The following HIVEP2 variants were observed in gnomAD, a reference collection of about 807,000 sequenced individuals.
HIVEP2 encodes HIVEP zinc finger 2.
A neutral mutation model predicts 180.7 loss-of-function variants in HIVEP2; 14 were observed. The ratio of observed to expected loss-of-function variants is 0.08; its 90% CI spans 0.05 to 0.12. The LOEUF is 0.12. HIVEP2 is among the 10% of genes least tolerant of loss of function. The pLI, the probability that HIVEP2 is intolerant of heterozygous loss-of-function variation, is 1.00. For missense variants in HIVEP2, 2,579 were observed against 3,008.5 expected, an observed-to-expected ratio of 0.86 and a Z score of 3.34; for synonymous variants, 1,184 against 1,136.4, an observed-to-expected ratio of 1.04 and a Z score of -0.84.
At chr6:142,901,731 C>A (rs779720571) in intron 1 of HIVEP2, among the ~76,000 whole-genome samples, 1 of 152,178 alleles carries the variant, frequency 6.6e-6, no homozygotes, top group Non-Finnish European at 1.5e-5. Flanking sequence ...CAGGTAAATT[C>A]GCCAATCTGC....
intron 2 of HIVEP2, among the ~76,000 whole-genome samples, chr6:142,812,347 C>T (rs79815284): frequency 2.6e-3 from 393 of 152,234 alleles, no homozygotes; most frequent in Non-Finnish European, 3.6e-3. Flanking sequence ...AGGGGAAAAT[C>T]CCATAATTTA....
At chr6:142,780,054 T>C (rs1775810105) in intron 3 of HIVEP2, among the ~76,000 whole-genome samples, 1 of 152,258 alleles carries the variant, frequency 6.6e-6, no homozygotes, top group Non-Finnish European at 1.5e-5. Context: ...ATAATTTTGC[T>C]AAGTTTAACA....
intron 1 of HIVEP2, among the ~76,000 whole-genome samples, chr6:142,853,819 CAGCAGAGATGGCAGA>C (rs1775751268): frequency 6.6e-6 from 1 of 152,028 alleles, no homozygotes; most frequent in South Asian, 2.1e-4. Flanking sequence ...GCATTGGTAG[CAGCAGAGATGGCAGA>C]AGAATGGAAA....
At chr6:142,887,263 GA>G (rs937786113) in intron 1 of HIVEP2, among the ~76,000 whole-genome samples, 5 of 149,476 alleles carry the variant, frequency 3.3e-5, no homozygotes, top group Non-Finnish European at 3.0e-5. Context: ...TTGAGAAACA[GA>G]AAAAAAAACC....
intron 1 of HIVEP2, among the ~76,000 whole-genome samples, chr6:142,859,422 T>C (rs1317291527): frequency 6.7e-6 from 1 of 150,024 alleles, no homozygotes; most frequent in Non-Finnish European, 1.5e-5. Flanking sequence ...GATCCTGCCA[T>C]TGCACTCCAG....
At chr6:142,758,903 G>A (rs570642120) in intron 9 of HIVEP2, among the ~76,000 whole-genome samples, 24 of 152,230 alleles carry the variant, frequency 1.6e-4, no homozygotes, top group African/African-American at 5.5e-4. Context: ...ACAGGCTCAT[G>A]TCTTTGATTT....
chr6:142,820,790 C>T lies in HIVEP2; in HGVS notation c.-528+16145G>A, dbSNP rs547146274. ...AGTGGAACAGTACACCTCATAACCC[C>T]ATGTAGGCAACCACTGAGCATCTAT... On this transcript the variant is annotated intron_variant, in intron 2 of 9. Transcript: ENST00000367603. Among the ~76,000 whole-genome samples the T allele has an allele frequency of 6.0e-4, 92 of 152,218 alleles. 1 individual carries two copies. In the South Asian group the frequency reaches 0.012, roughly 20 times the overall value.
chr6:142,784,172 A>G (rs1775926854), intron 2 of HIVEP2, among the ~76,000 whole-genome samples: 1 of 152,222 alleles, frequency 6.6e-6, no homozygotes. Context: ...AGTATGATCC[A>G]AAGAAATGCA....
chr6:142,779,252 C>A (rs375463030), intron 3 of HIVEP2, among the ~76,000 whole-genome samples: 1 of 152,242 alleles, frequency 6.6e-6, no homozygotes, highest in African/African-American at 2.4e-5. Context: ...AAATAAGAAC[C>A]TTACAAGTGA....
In HIVEP2 at chr6:142,753,838, C is replaced by T. The variant is rs752948635; in HGVS notation, c.6610G>A (p.Glu2204Lys). The change falls in exon 10 of 10, where the codon GAG (glutamate) becomes AAG (lysine). Residue 2204 changes from glutamate (E) to lysine (K), a missense_variant. Physicochemically the swap from Glu to Lys is moderately conservative, Grantham distance 56. Coordinates refer to ENST00000367603, the MANE Select transcript of HIVEP2 (RefSeq NM_006734.4). ...YEHPGSSLFP[E>K]GPNDYVFSHL... ...CTGAAGACATAGTCATTAGGACCCT[C>T]AGGGAAAAGGCTGGAGCCTGGATGT... 6.2e-7 allele frequency: 1 copy of T among 1,613,964 alleles called. No individual in the cohort carries two copies. Among genetic ancestry groups the T allele is most frequent in the Non-Finnish European group, 8.5e-7 (1 of 1,179,834 alleles).
chr6:142,880,291 T>C (rs1582936838), intron 1 of HIVEP2, among the ~76,000 whole-genome samples: 2 of 152,000 alleles, frequency 1.3e-5, no homozygotes. Context: ...AATTCAATGC[T>C]CCTGCCAACA....
chr6:142,818,005 CAA>C (rs199991919), intron 2 of HIVEP2, among the ~76,000 whole-genome samples: 10 of 124,376 alleles, frequency 8.0e-5, no homozygotes, highest in Admixed American at 8.3e-5. Flanking sequence ...GACTCTGTCT[CAA>C]AAAAAAAAAA....
At chr6:142,938,380 C>A (rs193290116) in intron 1 of HIVEP2, among the ~76,000 whole-genome samples, 2 of 152,328 alleles carry the variant, frequency 1.3e-5, no homozygotes. Context: ...TAGTTGTCTG[C>A]CTTCCAAAAG....
intron 1 of HIVEP2, among the ~76,000 whole-genome samples, chr6:142,925,364 A>G (rs1341268436): frequency 6.6e-6 from 1 of 152,130 alleles, no homozygotes; most frequent in Non-Finnish European, 1.5e-5. Context: ...CCTTCCCTCT[A>G]TTCTTAATCT....
chr6:142,805,685 A>G (rs1438463534), intron 2 of HIVEP2, among the ~76,000 whole-genome samples: 1 of 152,108 alleles, frequency 6.6e-6, no homozygotes, highest in Non-Finnish European at 1.5e-5. Flanking sequence ...TAGCTCTACC[A>G]TCTCATCAAC....
chr6:142,941,857 A>G lies in HIVEP2; in HGVS notation c.-641+3242T>C, dbSNP rs146481754. On this transcript the variant is annotated intron_variant, in intron 1 of 9. Transcript: ENST00000367603. ...TTGAAATTTTCAGGTAGATATTTAA[A>G]CTGTGAACCGTTTCTCCACCTACAG... 2.7e-3 allele frequency among the ~76,000 whole-genome samples: 412 copies of G among 152,340 alleles called. 2 individuals carry two copies. The highest frequency in any genetic ancestry group is 9.5e-3 in the African/African-American group (397 of 41,576).
intron 1 of HIVEP2, among the ~76,000 whole-genome samples, chr6:142,944,031 A>C (rs1248560239): frequency 6.6e-6 from 1 of 152,176 alleles, no homozygotes; most frequent in Non-Finnish European, 1.5e-5. Context: ...AGCTAGTTAC[A>C]AGCTTTCCCG....
intron 1 of HIVEP2, among the ~76,000 whole-genome samples, chr6:142,874,755 C>T (rs1776384512): frequency 6.6e-6 from 1 of 152,044 alleles, no homozygotes; most frequent in Admixed American, 6.6e-5. Context: ...TAAACATGGT[C>T]CATTTATAGG....
chr6:142,940,694 G>C (rs1437184164), intron 1 of HIVEP2, among the ~76,000 whole-genome samples: 1 of 152,160 alleles, frequency 6.6e-6, no homozygotes. Flanking sequence ...TCTAGCACAA[G>C]GCCTAATCTA....
Sources: gnomAD v4.1 joint callset for allele counts (sites outside exome capture counted in the v4.1 genomes callset) on GRCh38, gnomAD v4.1.1 for gene constraint, MANE v1.5 for transcripts, NCBI Gene and HGNC (gene_info 2026-07-23, HGNC 2026-07-21) for gene names.